FGFR1: variants seen among roughly 807,000 people sequenced by gnomAD.
FGFR1 encodes FGFR1/PLAG1 fusion.
In FGFR1, 18 loss-of-function variants were observed where a neutral mutation model predicts 93.7. The ratio of observed to expected loss-of-function variants is 0.19; its 90% CI spans 0.13 to 0.28. The LOEUF is 0.28. Ranked by LOEUF, FGFR1 falls within the 10% of genes least tolerant of loss-of-function variation. The pLI is 1.00. For synonymous variants in FGFR1, 448 were observed against 429.3 expected (o/e 1.04, Z -0.54); for missense variants, 731 against 1,080.4 (o/e 0.68, Z 4.53).
intron 2 of FGFR1, among the ~76,000 whole-genome samples, chr8:38,454,973 C>CTTTTATT (rs1832342276): frequency 9.0e-6 from 1 of 111,176 alleles, no homozygotes; most frequent in Admixed American, 1.0e-4. Flanking sequence ...TCTTTTCTTG[C>CTTTTATT]TTTTTTTTTT....
At chr8:38,466,392 G>A (rs952329964) in intron 1 of FGFR1, 2 of 231,588 alleles carry the variant, frequency 8.6e-6, no homozygotes, top group African/African-American at 2.2e-5. Flanking sequence ...CCATCGTCAA[G>A]GCCAGTTCTG....
chr8:38,426,336 A>T lies in FGFR1; in HGVS notation c.622-91T>A, dbSNP rs1024271555. The T allele has an allele frequency of 6.4e-7, 1 of 1,574,236 alleles. No homozygotes were observed. The highest frequency in any genetic ancestry group is 8.7e-7 in the Non-Finnish European group (1 of 1,154,112). On this transcript the variant is annotated intron_variant, in intron 5 of 17. Transcript: ENST00000447712. This position sits in a 1 kb window ranked among gnomAD's most constrained non-coding sequence, Gnocchi z 4.1. ...CGGCACCCCGTGGCACCTGCCCTCC[A>T]TATCAGAGCCTGGTGGCACAGGGCC... is the stretch of plus-strand genomic sequence containing the variant.
intron 1 of FGFR1, 59 bp from the exon 2 acceptor site, chr8:38,457,593 A>G (rs2151356511): frequency 6.6e-7 from 1 of 1,509,506 alleles, no homozygotes; most frequent in South Asian, 1.2e-5. Context: ...AGGGGAAAGG[A>G]AAAACAGAAG....
Position 38,411,570 on chromosome 8 carries a change from A to G in FGFR1, c.*2058T>C, listed in dbSNP as rs999969013. 21 of 228,236 alleles carry G rather than the reference A, an allele frequency of 9.2e-5. No homozygotes were observed. Among genetic ancestry groups the G allele is most frequent in the African/African-American group, 3.8e-4 (17 of 45,114 alleles). The allele number at this position is 228,236 out of a possible 1,614,324, so 14.1% of individuals were successfully genotyped here. ...AAAAATCCCTAGCTCAGAAATTTAA[A>G]GCAGCAATCCCATTTTCCCTACAGA... On this transcript the variant is annotated 3_prime_UTR_variant, in exon 18 of 18. Transcript: ENST00000447712.
chr8:38,456,274 C>T (rs1057502816), intron 2 of FGFR1, among the ~76,000 whole-genome samples: 2 of 152,186 alleles, frequency 1.3e-5, no homozygotes, highest in Admixed American at 6.5e-5. Context: ...AATGCTCATA[C>T]ATTAGTTTTC....
chr8:38,454,798 T>C (rs1318335618), intron 2 of FGFR1, among the ~76,000 whole-genome samples: 1 of 152,150 alleles, frequency 6.6e-6, no homozygotes, highest in Non-Finnish European at 1.5e-5. Flanking sequence ...AAGTAAATAA[T>C]GCAGCTATCA....
At chr8:38,440,986 C>A (rs1295371603) in intron 2 of FGFR1, among the ~76,000 whole-genome samples, 1 of 152,150 alleles carries the variant, frequency 6.6e-6, no homozygotes, top group Admixed American at 6.5e-5. Context: ...TTTTGTGCGT[C>A]CCACCTCGTC....
In FGFR1 at chr8:38,424,149, C is replaced by A. The variant is rs1194044200; in HGVS notation, c.936+360G>T. 7.1e-6 allele frequency: 3 copies of A among 423,440 alleles called. No homozygotes were observed. Among genetic ancestry groups the A allele is most frequent in the Non-Finnish European group, 1.4e-5 (3 of 219,964 alleles). 26.2% of individuals were successfully genotyped at this position (423,440 alleles called of 1,614,324 possible). On this transcript the variant is annotated intron_variant, in intron 7 of 17. Transcript: ENST00000447712. This position sits in a 1 kb window ranked among gnomAD's most constrained non-coding sequence, Gnocchi z 4.3. Reference sequence around the variant, plus strand: ...ATCGTACGTAACTCAGGACACAGGGCTAAGACTGGGAAACGCTTGGTGGAA... The same window carrying A: ...ATCGTACGTAACTCAGGACACAGGGATAAGACTGGGAAACGCTTGGTGGAA...
intron 2 of FGFR1, among the ~76,000 whole-genome samples, chr8:38,448,791 C>CA (rs1217395806): frequency 6.6e-6 from 1 of 151,904 alleles, no homozygotes; most frequent in Non-Finnish European, 1.5e-5. Context: ...CCTGTCTCTA[C>CA]AAAAAATACA....
rs1814894188 is a variant in FGFR1 at position 38,413,005 on chromosome 8, A to G, written c.*623T>C. On this transcript the variant is annotated 3_prime_UTR_variant, in exon 18 of 18. Coordinates refer to ENST00000447712, the MANE Select transcript of FGFR1 (RefSeq NM_023110.3). This position sits in a 1 kb window ranked among gnomAD's most constrained non-coding sequence, Gnocchi z 4.2. ...CTTTGTGTTTTCTTCATAGCTATAT[A>G]CAGAGCCCCCAGTTTGGGGCTGGGC... The G allele has an allele frequency of 4.2e-6, 1 of 235,568 alleles. No homozygotes were observed. The highest frequency in any genetic ancestry group is 2.2e-5 in the African/African-American group (1 of 45,418). 14.6% of individuals were successfully genotyped at this position (235,568 alleles called of 1,614,324 possible). A position where few individuals can be genotyped will look rare whatever the true frequency, so the allele number is the denominator to read the frequency against.
intron 2 of FGFR1, among the ~76,000 whole-genome samples, chr8:38,453,357 G>A (rs949564808): frequency 2.6e-5 from 4 of 152,244 alleles, no homozygotes; most frequent in Non-Finnish European, 5.9e-5. Context: ...ATGGCCTACG[G>A]ACCAGGCAAT....
intron 2 of FGFR1, chr8:38,430,282 CTTCT>C (rs1822497501): frequency 1.6e-5 from 5 of 314,174 alleles, no homozygotes; most frequent in African/African-American, 6.3e-5. Context: ...CTCCCCAGGA[CTTCT>C]TTGTGTCCGG....
At position 38,421,778 on chromosome 8, in the gene FGFR1, G is replaced by C. The variant is rs1183334280; in HGVS notation, c.1081+19C>G. On this transcript the variant is annotated intron_variant, in intron 8 of 17. Transcript: ENST00000447712. ...CGTGGCGAGGGCAGGACATCGAGAGGAGAAGTTACAGTGTGTACCTTCCAG... is the reference window on the plus strand; with the variant it reads ...CGTGGCGAGGGCAGGACATCGAGAGCAGAAGTTACAGTGTGTACCTTCCAG... 1 of 1,613,628 alleles carries C rather than the reference G, an allele frequency of 6.2e-7. No homozygotes were observed. Among genetic ancestry groups the C allele is most frequent in the Non-Finnish European group, 8.5e-7 (1 of 1,179,556 alleles).
chr8:38,444,556 A>ATTTT (rs562700623), intron 2 of FGFR1, among the ~76,000 whole-genome samples: 1 of 129,234 alleles, frequency 7.7e-6, no homozygotes. Flanking sequence ...GCGTGGCTAA[A>ATTTT]TTTTTTTTTT....
intron 2 of FGFR1, among the ~76,000 whole-genome samples, chr8:38,452,957 C>G (rs1831556486): frequency 6.6e-6 from 1 of 152,158 alleles, no homozygotes; most frequent in South Asian, 2.1e-4. Flanking sequence ...AGCCTCGCGA[C>G]AGAGTGAGAC....
intron 2 of FGFR1, among the ~76,000 whole-genome samples, chr8:38,441,801 G>A (rs1277899807): frequency 6.6e-6 from 1 of 152,208 alleles, no homozygotes. Context: ...AGAAACTCCT[G>A]TGTGACAACT....
rs2150929593 is a variant in FGFR1, at chr8:38,428,374, T to C, written c.420A>G (p.Glu140=). ...TACGGTTTGGTTTGGTGTTATCTGT[T>C]TCTTTCTCCTCTGAAGAGGAGTCAT... The part of the protein sequence containing the change: ...DDDDSSSEEK[E]TDNTKPNRMP... The change falls in exon 4 of 18, where the codon GAA becomes GAG. Residue 140 remains glutamate, a synonymous_variant. Transcript: ENST00000447712. The C allele has an allele frequency of 6.2e-7, 1 of 1,614,186 alleles. No individual in the cohort carries two copies. Among genetic ancestry groups the C allele is most frequent in the Non-Finnish European group, 8.5e-7 (1 of 1,180,032 alleles).
At position 38,418,280 on chromosome 8, in the gene FGFR1, C is replaced by T. The variant is rs775445657; in HGVS notation, c.1378G>A (p.Val460Ile). The change falls in exon 10 of 18, where the codon GTC becomes ATC. Residue 460 changes from valine to isoleucine, a missense_variant. Val to Ile is a conservative substitution (Grantham distance 29). This residue lies in a region of FGFR1 where 146 missense variants were observed against 173.0 expected (regional missense o/e 0.84). Coordinates refer to ENST00000447712, the MANE Select transcript of FGFR1 (RefSeq NM_023110.3). The part of the protein sequence containing the change: ...SSSGTPMLAG[V>I]SEYELPEDPR... ...TCTTCGGGAAGCTCATACTCAGAGA[C>T]CCCTGCTAGCATGGGAGTCCCACTG... 6.2e-7 allele frequency: 1 copy of T among 1,614,096 alleles called. No homozygotes were observed. Among genetic ancestry groups the T allele is most frequent in the East Asian group, 2.2e-5 (1 of 44,900 alleles).
At chr8:38,447,108 C>T (rs1197149886) in intron 2 of FGFR1, among the ~76,000 whole-genome samples, 3 of 78,440 alleles carry the variant, frequency 3.8e-5, no homozygotes. Flanking sequence ...AACACACACA[C>T]ACACACACAC....
Sources: allele counts gnomAD v4.1 joint callset (sites outside exome capture counted in the v4.1 genomes callset), GRCh38; gene constraint gnomAD v4.1.1; regional missense constraint gnomAD v4.1.1; non-coding constraint Gnocchi (gnomAD v3.1); transcripts MANE v1.5; gene names NCBI Gene and HGNC (gene_info 2026-07-23, HGNC 2026-07-21).